RNF213: variants seen among roughly 807,000 people sequenced by gnomAD.
RNF213 encodes E3 ubiquitin-protein ligase RNF213.
A neutral mutation model predicts 514.4 loss-of-function variants in RNF213; 341 were observed. The observed-to-expected ratio is 0.66, with a 90% CI of 0.61 to 0.73. The LOEUF (loss-of-function observed/expected upper bound fraction) is 0.73. Ranked by LOEUF, RNF213 falls within the 30% of genes least tolerant of loss-of-function variation. RNF213 has a pLI of 0.00. For missense variants in RNF213, 5,767 were observed against 6,615.6 expected (o/e 0.87, Z 4.45); for synonymous variants, 2,655 against 2,658.2 (o/e 1.00, Z 0.04).
chr17:80,342,538 C>T (rs937013933), intron 26 of RNF213, among the ~76,000 whole-genome samples: 4 of 148,142 alleles, frequency 2.7e-5, no homozygotes, highest in African/African-American at 9.9e-5. Context: ...CTTAATTTTT[C>T]TCTCTCTCTC....
rs909536861 is a variant in RNF213, at chr17:80,290,346, C to T, written c.1113-224C>T. Among the ~76,000 whole-genome samples the T allele has an allele frequency of 7.4e-5, 11 of 148,740 alleles. 1 individual carries two copies. Among genetic ancestry groups the T allele is most frequent in the East Asian group, 4.0e-4 (2 of 5,024 alleles). ...TCACGTGTGTGTGCGCACGTGTGTG[C>T]GTGTGCATGTATGTGTGCGTGTGTG... On this transcript the variant is annotated intron_variant, in intron 6 of 67. Transcript: ENST00000582970.
In RNF213 at chr17:80,369,489, C is replaced by T. The variant is rs1468399221; in HGVS notation, c.12156-13C>T. On this transcript the variant is annotated splice_polypyrimidine_tract_variant and intron_variant, in intron 44 of 67. Transcript: ENST00000582970. ...AACACCATCCACCTGTCTTCTGTTT[C>T]TCGTGTTCTAAGGGAAGCCATTGAA... 1 of 1,612,178 alleles carries T rather than the reference C, an allele frequency of 6.2e-7. No individual in the cohort carries two copies. The highest frequency in any genetic ancestry group is 8.5e-7 in the Non-Finnish European group (1 of 1,179,686).
chr17:80,354,088 C>A lies in RNF213; in HGVS notation c.10648C>A (p.Gln3550Lys), dbSNP rs1599099310. Residue 3550 changes from glutamine to lysine, a missense_variant, in exon 35 of 68, where the codon CAG (glutamine) becomes AAG (lysine). Gln to Lys is a moderately conservative substitution (Grantham distance 53). Transcript: ENST00000582970. ...GAGCGCCGTGGGCATGCTCAGAGAC[C>A]AGAACGAGAGCTGCACGCGCAATAT... ...VQSAVGMLRD[Q>K]NESCTRNMRR... The A allele has an allele frequency of 6.2e-6, 10 of 1,614,076 alleles. No individual in the cohort carries two copies. Among genetic ancestry groups the A allele is most frequent in the East Asian group, 2.2e-5 (1 of 44,880 alleles).
intron 14 of RNF213, among the ~76,000 whole-genome samples, chr17:80,311,332 G>A (rs1198085873): frequency 2.0e-5 from 3 of 152,224 alleles, no homozygotes; most frequent in South Asian, 2.1e-4. Context: ...CAAGGTGCCC[G>A]TGTCAGGCTC....
Position 80,380,917 on chromosome 17 carries a change from C to CA in RNF213, c.13728dup (p.Val4577SerfsTer30). On this transcript the variant is annotated frameshift_variant, in exon 56 of 68. Transcript: ENST00000582970. LOFTEE classifies it high-confidence loss of function. ...GTGACATGTGACCGAGGGCTGCCCC[C>CA]AGTGGTCTTCCTCCTTATCCGGCTA... is the stretch of plus-strand genomic sequence containing the variant. 6.2e-7 allele frequency: 1 copy of CA among 1,614,178 alleles called. No homozygotes were observed. Among genetic ancestry groups the CA allele is most frequent in the Non-Finnish European group, 8.5e-7 (1 of 1,180,032 alleles).
At chr17:80,383,273 A>G (rs564371382) in intron 58 of RNF213, among the ~76,000 whole-genome samples, 2 of 152,326 alleles carry the variant, frequency 1.3e-5, no homozygotes, top group Non-Finnish European at 2.9e-5. Flanking sequence ...ACAGCTGGTC[A>G]TGAAGTCAGT....
rs530041459 is a variant in RNF213, at chr17:80,333,626, G to A, written c.4144-479G>A. Among the ~76,000 whole-genome samples the A allele has an allele frequency of 7.3e-5, 11 of 151,506 alleles. No individual in the cohort carries two copies. In the East Asian group the frequency reaches 7.8e-4, roughly 11 times the overall value. The stretch of plus-strand genomic sequence containing the variant: ...GGAGGATCGCTTGAACCACGGAGGC[G>A]GAGGTTGCAGTGAACCGAGATCGTG... On this transcript the variant is annotated intron_variant, in intron 21 of 67. Transcript: ENST00000582970.
chr17:80,353,527 G>A lies in RNF213; in HGVS notation c.10439G>A (p.Arg3480Gln), dbSNP rs113011315. The A allele has an allele frequency of 1.4e-5, 23 of 1,611,560 alleles. 1 individual carries two copies. Among genetic ancestry groups the A allele is most frequent in the African/African-American group, 1.1e-4 (8 of 74,994 alleles). Residue 3480 changes from arginine to glutamine, a missense_variant, in exon 34 of 68, where the codon CGG becomes CAG. By Grantham distance (43) the Arg-to-Gln change is conservative. Around this residue, in one of 13 missense-constraint regions of RNF213, gnomAD observed 919 missense variants for 1,121.0 expected, o/e 0.82. Coordinates refer to ENST00000582970, the MANE Select transcript of RNF213 (RefSeq NM_001256071.3). The surrounding 1 kb of genome is among the most constrained non-coding windows in gnomAD (Gnocchi z 5.0). ...GDLPELGLEH[R>Q]AEDGHEEAME... ...TCGACTGCAGTGGGCTTGGAACACC[G>A]GGCGGAAGACGGCCATGAGGAGGCG... is the stretch of plus-strand genomic sequence containing the variant.
intron 5 of RNF213, 67 bp from the exon 6 acceptor site, chr17:80,289,592 G>GA (rs747519394): frequency 0.16 from 196,387 of 1,238,040 alleles, 97 homozygotes; most frequent in Non-Finnish European, 0.16. Context: ...CTCTGTCTCA[G>GA]AAAAAAAAAA....
rs1407352437 is a variant in RNF213, at chr17:80,368,081, A to G, written c.12093A>G (p.Ile4031Met). ...LRAWFASEQMICPYCLTALPD... is the reference protein window; with the variant it reads ...LRAWFASEQMMCPYCLTALPD... ...CCTGGTTTGCCTCAGAGCAGATGAT[A>G]TGCCCCTACTGTTTAACTGCCTTGC... is the stretch of plus-strand genomic sequence containing the variant. The change falls in exon 44 of 68, where the codon ATA becomes ATG. Residue 4031 changes from isoleucine (I) to methionine (M), a missense_variant. By Grantham distance (10) the Ile-to-Met change is conservative. Coordinates refer to ENST00000582970, the MANE Select transcript of RNF213 (RefSeq NM_001256071.3). 3.7e-6 allele frequency: 6 copies of G among 1,614,250 alleles called. No individual in the cohort carries two copies. The highest frequency in any genetic ancestry group is 5.1e-6 in the Non-Finnish European group (6 of 1,180,044).
chr17:80,364,169 C>T (rs930211479), intron 41 of RNF213, among the ~76,000 whole-genome samples: 2 of 152,190 alleles, frequency 1.3e-5, no homozygotes, highest in Admixed American at 6.5e-5. Flanking sequence ...ACTTGACAGG[C>T]GCAGGATCAT....
At chr17:80,292,692 C>T (rs530730502) in intron 8 of RNF213, among the ~76,000 whole-genome samples, 3 of 151,966 alleles carry the variant, frequency 2.0e-5, no homozygotes, top group African/African-American at 7.2e-5. Flanking sequence ...CACCTGGGTT[C>T]TCTGTCTGCA....
chr17:80,293,176 C>T (rs542564856), intron 8 of RNF213, among the ~76,000 whole-genome samples: 5 of 152,076 alleles, frequency 3.3e-5, no homozygotes, highest in African/African-American at 7.2e-5. Context: ...TCCCCCTCAG[C>T]CCCCCCAAGT....
At chr17:80,319,111 A>G (rs2046049200) in intron 16 of RNF213, 79 bp from the exon 17 acceptor site, 1 of 1,612,612 alleles carries the variant, frequency 6.2e-7, no homozygotes, top group African/African-American at 1.3e-5. Context: ...AGTAAAAATG[A>G]TGAAAGAATT....
At position 80,386,835 on chromosome 17, in the gene RNF213, A is replaced by G. The variant is rs1337187755; in HGVS notation, c.14866A>G (p.Ile4956Val). The change falls in exon 63 of 68, where the codon ATT becomes GTT. Residue 4956 changes from isoleucine (I) to valine (V), a missense_variant. Physicochemically the swap from Ile to Val is conservative, Grantham distance 29 (BLOSUM62 3). Coordinates refer to ENST00000582970, the MANE Select transcript of RNF213 (RefSeq NM_001256071.3). ...CGTGCAGGAGTTCGATCTGGAGAAG[A>G]TTCAGCGGCAGATCGTCAGCCGCTT... ...ETVQEFDLEKIQRQIVSRFLQ... is the reference protein window; with the variant it reads ...ETVQEFDLEKVQRQIVSRFLQ... 2 of 1,614,042 alleles carry G rather than the reference A, an allele frequency of 1.2e-6. No homozygotes were observed. The highest frequency in any genetic ancestry group is 1.3e-5 in the African/African-American group (1 of 74,934).
Position 80,386,884 on chromosome 17 carries a change from GC to G in RNF213, c.14917del (p.Leu4973SerfsTer56). 1.9e-6 allele frequency: 3 copies of G among 1,611,660 alleles called. No individual in the cohort carries two copies. The highest frequency in any genetic ancestry group is 2.5e-6 in the Non-Finnish European group (3 of 1,179,274). On this transcript the variant is annotated frameshift_variant, in exon 63 of 68. Coordinates refer to ENST00000582970, the MANE Select transcript of RNF213 (RefSeq NM_001256071.3). LOFTEE classifies it high-confidence loss of function. ...TTCCTCCAGGGCAAGCCCCGGCTGAGCCTCAAGGTAGGGCTGACTCCTGCCA... is the reference window on the plus strand; with the variant it reads ...TTCCTCCAGGGCAAGCCCCGGCTGAGCTCAAGGTAGGGCTGACTCCTGCCA... The part of the protein sequence containing the change: ...SRFLQGKPRL[S>X]LKGIPTLVYR...
chr17:80,269,122 CCCA>C (rs2043709639), intron 2 of RNF213, among the ~76,000 whole-genome samples: 1 of 152,144 alleles, frequency 6.6e-6, no homozygotes. Flanking sequence ...GCCAGCTTAC[CCCA>C]CCTTCTGCCT....
chr17:80,290,340 T>G (rs990609655), intron 6 of RNF213, among the ~76,000 whole-genome samples: 4 of 151,818 alleles, frequency 2.6e-5, no homozygotes, highest in African/African-American at 9.7e-5. Flanking sequence ...TGTGCGCACG[T>G]GTGTGCGTGT....
At position 80,353,138 on chromosome 17, in the gene RNF213, G is replaced by T; in HGVS notation, c.10423+79G>T. On this transcript the variant is annotated intron_variant, in intron 33 of 67. Coordinates refer to ENST00000582970, the MANE Select transcript of RNF213 (RefSeq NM_001256071.3). This position sits in a 1 kb window ranked among gnomAD's most constrained non-coding sequence, Gnocchi z 5.0. The stretch of plus-strand genomic sequence containing the variant: ...AGGTGTGGAGCGTGGCGTGCACATG[G>T]CACTAGGAGCAGGGCCACCGTGTTT... 1.9e-6 allele frequency: 3 copies of T among 1,579,630 alleles called. No individual in the cohort carries two copies. The highest frequency in any genetic ancestry group is 1.3e-5 in the African/African-American group (1 of 74,656).
Sources: allele counts gnomAD v4.1 joint callset (sites outside exome capture counted in the v4.1 genomes callset), GRCh38; gene constraint gnomAD v4.1.1; regional missense constraint gnomAD v4.1.1; non-coding constraint Gnocchi (gnomAD v3.1); transcripts MANE v1.5; gene names NCBI Gene and HGNC (gene_info 2026-07-23, HGNC 2026-07-21).